Variants in MYRF observed in about 807,000 individuals in gnomAD.
MYRF encodes the protein myelin regulatory factor.
MYRF carries 16 observed loss-of-function variants against 126.3 expected under a neutral mutation model. The observed-to-expected ratio is 0.13, with a 90% CI of 0.09 to 0.19. The LOEUF (loss-of-function observed/expected upper bound fraction) is 0.19, where lower values mean the gene tolerates loss of function less well. Among genes scored for constraint, MYRF ranks in the 10% least tolerant of loss-of-function variants. MYRF has a pLI of 1.00. For missense variants in MYRF, 1,104 were observed against 1,547.0 expected (o/e 0.71, Z 4.80); for synonymous variants, 608 against 635.3 (o/e 0.96, Z 0.65).
In MYRF at chr11:61,770,345, G is replaced by GCCCCCCCCCCCC; in HGVS notation, c.566_567insCCCCCCCCCCCC (p.Pro193_Pro196dup). 2.0e-6 allele frequency: 3 copies of GCCCCCCCCCCCC among 1,504,824 alleles called. No homozygotes were observed. Among genetic ancestry groups the GCCCCCCCCCCCC allele is most frequent in the Non-Finnish European group, 2.7e-6 (3 of 1,109,488 alleles). 93.2% of individuals were successfully genotyped at this position (1,504,824 alleles called of 1,614,324 possible). A position where few individuals can be genotyped will look rare whatever the true frequency, so the allele number is the denominator to read the frequency against. On this transcript the variant is annotated inframe_insertion, in exon 5 of 27. Transcript: ENST00000278836. ...CCCCCACCTCCAGCCCACTTGCCAG[G>GCCCCCCCCCCCC]CCCCCCGCCACCCCCACCACCCCCA...
chr11:61,761,653 C>G (rs1252003552), intron 1 of MYRF, among the ~76,000 whole-genome samples: 1 of 152,260 alleles, frequency 6.6e-6, no homozygotes, highest in Non-Finnish European at 1.5e-5. Context: ...GGCTCATCCA[C>G]TCCGTGAACA....
chr11:61,774,213 C>A (rs1359293866), intron 8 of MYRF, 51 bp downstream of exon 8: 1 of 1,499,954 alleles, frequency 6.7e-7, no homozygotes, highest in Non-Finnish European at 9.0e-7. Context: ...CCTTTGGGGG[C>A]ACTGAAAGAC....
Position 61,770,234 on chromosome 11 carries a change from T to C in MYRF, c.461-12T>C. On this transcript the variant is annotated splice_polypyrimidine_tract_variant and intron_variant, in intron 4 of 26. Coordinates refer to ENST00000278836, the MANE Select transcript of MYRF (RefSeq NM_001127392.3). Reference sequence around the variant, plus strand: ...TTGGTCTCAGATGCCCGCTCCCCCATCTCTCCTGCAGAGCCCCACCTCCTG... The same window carrying C: ...TTGGTCTCAGATGCCCGCTCCCCCACCTCTCCTGCAGAGCCCCACCTCCTG... 6.3e-7 allele frequency: 1 copy of C among 1,589,040 alleles called. No homozygotes were observed. Among genetic ancestry groups the C allele is most frequent in the Non-Finnish European group, 8.6e-7 (1 of 1,168,430 alleles).
chr11:61,773,790 T>C (rs2066291176), intron 7 of MYRF, among the ~76,000 whole-genome samples, 177 bp from the exon 8 acceptor site: 1 of 152,194 alleles, frequency 6.6e-6, no homozygotes, highest in Middle Eastern at 3.2e-3. Flanking sequence ...AGCCCTGTAC[T>C]AGAATCCTCT....
At chr11:61,770,669 T>A (rs1591103327) in intron 5 of MYRF, 144 bp downstream of exon 5, 2 of 739,506 alleles carry the variant, frequency 2.7e-6, no homozygotes, top group Non-Finnish European at 4.3e-6. Flanking sequence ...CAGATGGGGG[T>A]AACATATTTA....
At position 61,788,123 on chromosome 11, in the gene MYRF, C is replaced by G. The variant is rs532819699; in HGVS notation, c.*1980C>G. On this transcript the variant is annotated 3_prime_UTR_variant, in exon 27 of 27. Coordinates refer to ENST00000278836, the MANE Select transcript of MYRF (RefSeq NM_001127392.3). ...CACCTGCTGGAAGCTGCCAGCTGCC[C>G]GGCTGGCAATGGTGTGAGTGTCTTG... 2.0e-5 allele frequency: 3 copies of G among 152,770 alleles called. No individual in the cohort carries two copies. The highest frequency in any genetic ancestry group is 7.2e-5 in the African/African-American group (3 of 41,416). The allele number at this position is 152,770 out of a possible 1,614,324, so 9.5% of individuals were successfully genotyped here.
In MYRF at chr11:61,779,567, C is replaced by T. The variant is rs1404116434; in HGVS notation, c.2244C>T (p.Ser748=). The T allele has an allele frequency of 1.0e-5, 15 of 1,500,518 alleles. No individual in the cohort carries two copies. Among genetic ancestry groups the T allele is most frequent in the Non-Finnish European group, 1.3e-5 (15 of 1,125,140 alleles). 93.0% of individuals were successfully genotyped at this position (1,500,518 alleles called of 1,614,324 possible). Residue 748 remains serine, a synonymous_variant, in exon 16 of 27, where the codon AGC becomes AGT. Transcript: ENST00000278836. ...AGAAGAGGCCCCCCAAGGTGGCCAG[C>T]AAGGTAGGGGTGAGCAGGGATGGCA... is the stretch of plus-strand genomic sequence containing the variant. ...PHKKRPPKVA[S]KSSSVVPDQA... is the part of the protein sequence containing the mutation.
chr11:61,762,892 C>T (rs1330911236), intron 1 of MYRF, among the ~76,000 whole-genome samples: 2 of 152,276 alleles, frequency 1.3e-5, no homozygotes, highest in East Asian at 3.9e-4. Context: ...CGCCCGGACC[C>T]TGGCACGGGA....
At chr11:61,772,052 C>T (rs897861367) in intron 7 of MYRF, 100 bp downstream of exon 7, 6 of 1,503,052 alleles carry the variant, frequency 4.0e-6, no homozygotes, top group Admixed American at 4.1e-5. Context: ...CCTGGGAGCA[C>T]TCATTTCACA....
intron 8 of MYRF, among the ~76,000 whole-genome samples, chr11:61,775,781 T>G (rs1591115258): frequency 3.2e-5 from 4 of 125,062 alleles, no homozygotes; most frequent in South Asian, 5.4e-4. Flanking sequence ...GGAATGGGGG[T>G]GTGGGTGTTT....
At chr11:61,763,767 A>G (rs1452219525) in intron 1 of MYRF, among the ~76,000 whole-genome samples, 1 of 152,132 alleles carries the variant, frequency 6.6e-6, no homozygotes, top group Non-Finnish European at 1.5e-5. Flanking sequence ...CGGGAGGCTG[A>G]GGTGGGAGAA....
rs560220004 is a variant in MYRF at position 61,776,681 on chromosome 11, C to G, written c.1500-106C>G. ...TGCCCCCTGGTGGAGGCTCGGGTTC[C>G]TCCTCTGTAGGAGGGGGTGAGATGA... On this transcript the variant is annotated intron_variant, in intron 10 of 26. Transcript: ENST00000278836. The surrounding 1 kb of genome is among the most constrained non-coding windows in gnomAD (Gnocchi z 4.3). 159 of 960,930 alleles carry G rather than the reference C, an allele frequency of 1.7e-4. No individual in the cohort carries two copies. In the African/African-American group the frequency reaches 2.6e-3, roughly 16 times the overall value. The allele number at this position is 960,930 out of a possible 1,614,324, so 59.5% of individuals were successfully genotyped here. A position where few individuals can be genotyped will look rare whatever the true frequency, so the allele number is the denominator to read the frequency against.
At chr11:61,760,624 G>A (rs958485861) in intron 1 of MYRF, among the ~76,000 whole-genome samples, 12 of 152,164 alleles carry the variant, frequency 7.9e-5, no homozygotes, top group African/African-American at 2.2e-4. Flanking sequence ...CAGCCTGGGC[G>A]GAGGTGTGCA....
At chr11:61,765,329 G>C (rs1327249479) in intron 1 of MYRF, among the ~76,000 whole-genome samples, 1 of 152,248 alleles carries the variant, frequency 6.6e-6, no homozygotes, top group African/African-American at 2.4e-5. Context: ...CACACAGCTA[G>C]AAAGAGGCAT....
intron 17 of MYRF, 52 bp downstream of exon 17, chr11:61,779,982 C>T (rs1385508732): frequency 6.6e-7 from 1 of 1,519,614 alleles, no homozygotes; most frequent in Non-Finnish European, 9.1e-7. Flanking sequence ...GTGGAGCTGC[C>T]CAGTGGAGTC....
rs2066427307 is a variant in MYRF at position 61,777,750 on chromosome 11, A to T, written c.1808A>T (p.Gln603Leu). 1.3e-6 allele frequency: 2 copies of T among 1,551,182 alleles called. No homozygotes were observed. Among genetic ancestry groups the T allele is most frequent in the Non-Finnish European group, 8.7e-7 (1 of 1,146,664 alleles). ...TCCCCGCAGGTGGACACCACCGAGC[A>T]ATTGAAGAGGATCTCGCGCATGCGG... is the stretch of plus-strand genomic sequence containing the variant. Reference protein sequence around the residue: ...EHVQEVDTTEQLKRISRMRLV... With the variant: ...EHVQEVDTTELLKRISRMRLV... Residue 603 changes from glutamine (Q) to leucine (L), a missense_variant, in exon 13 of 27, where the codon CAA becomes CTA. By Grantham distance (113) the Gln-to-Leu change is moderately radical. Coordinates refer to ENST00000278836, the MANE Select transcript of MYRF (RefSeq NM_001127392.3). This position sits in a 1 kb window ranked among gnomAD's most constrained non-coding sequence, Gnocchi z 8.8.
intron 1 of MYRF, 104 bp from the exon 2 acceptor site, chr11:61,765,521 T>TCG: frequency 1.2e-6 from 1 of 858,136 alleles, no homozygotes; most frequent in Non-Finnish European, 1.8e-6. Context: ...CAGGGGCATC[T>TCG]GTTTTGGAGG....
In MYRF at chr11:61,770,345, G is replaced by GGCCC; in HGVS notation, c.560_561insGCCC (p.Pro191AlafsTer38). 59 of 1,504,602 alleles carry GGCCC rather than the reference G, an allele frequency of 3.9e-5. No individual in the cohort carries two copies. Among genetic ancestry groups the GGCCC allele is most frequent in the Non-Finnish European group, 5.0e-5 (56 of 1,109,276 alleles). The allele number at this position is 1,504,602 out of a possible 1,614,324, so 93.2% of individuals were successfully genotyped here. ...CCCCCACCTCCAGCCCACTTGCCAG[G>GGCCC]CCCCCCGCCACCCCCACCACCCCCA... On this transcript the variant is annotated frameshift_variant, in exon 5 of 27. Transcript: ENST00000278836. LOFTEE classifies it high-confidence loss of function.
chr11:61,773,719 C>G (rs1438013552), intron 7 of MYRF, among the ~76,000 whole-genome samples: 3 of 152,124 alleles, frequency 2.0e-5, no homozygotes, highest in African/African-American at 4.8e-5. Context: ...CCCCCATCAC[C>G]AGGGCGGGGC....
Sources: gnomAD v4.1 joint callset for allele counts (sites outside exome capture counted in the v4.1 genomes callset) on GRCh38, gnomAD v4.1.1 for gene constraint, Gnocchi (gnomAD v3.1) non-coding constraint, MANE v1.5 for transcripts, NCBI Gene and HGNC (gene_info 2026-07-23, HGNC 2026-07-21) for gene names.